PAK4: variants seen among roughly 807,000 people sequenced by gnomAD.
PAK4 encodes p21 (RAC1) activated kinase 4.
A neutral mutation model predicts 53.5 loss-of-function variants in PAK4; 49 were observed. The observed-to-expected ratio is 0.92, with a 90% CI of 0.73 to 1.16. The LOEUF is 1.16. Ranked by LOEUF, PAK4 falls within the 50% of genes most tolerant of loss-of-function variation. The probability of loss-of-function intolerance (pLI) is 0.00; values close to 1 mark genes in which losing one functional copy is unlikely to be tolerated. For synonymous variants in PAK4, 376 were observed against 375.6 expected, an observed-to-expected ratio of 1.00 and a Z score of -0.01; for missense variants, 824 against 850.7, an observed-to-expected ratio of 0.97 and a Z score of 0.39.
chr19:39,155,268 A>G (rs924959101), intron 1 of PAK4, among the ~76,000 whole-genome samples: 1 of 152,166 alleles, frequency 6.6e-6, no homozygotes, highest in Admixed American at 6.5e-5. Flanking sequence ...GAGTTTGTTC[A>G]GTGCTGAACT....
chr19:39,157,079 G>A (rs181585281), intron 1 of PAK4, among the ~76,000 whole-genome samples: 21 of 152,218 alleles, frequency 1.4e-4, no homozygotes, highest in Non-Finnish European at 2.5e-4. Context: ...GTGGGAGCAC[G>A]CTCCTGGGGT....
At chr19:39,148,649 A>G (rs942291561) in intron 1 of PAK4, among the ~76,000 whole-genome samples, 11 of 148,456 alleles carry the variant, frequency 7.4e-5, no homozygotes, top group Non-Finnish European at 1.5e-4. Flanking sequence ...TAGGCACAGG[A>G]TTTCACCATA....
At chr19:39,157,291 G>T (rs1464277161) in intron 1 of PAK4, among the ~76,000 whole-genome samples, 1 of 152,158 alleles carries the variant, frequency 6.6e-6, no homozygotes. Flanking sequence ...CTGGGGTGCA[G>T]TGCGGCTTTC....
chr19:39,127,466 C>CCCT (rs1375722500), intron 1 of PAK4, among the ~76,000 whole-genome samples: 3 of 152,118 alleles, frequency 2.0e-5, no homozygotes, highest in African/African-American at 7.2e-5. Flanking sequence ...ATCTGACCAG[C>CCCT]CCTTACCTCC....
rs182570700 is a variant in PAK4, at chr19:39,130,210, G to A, written c.-23+4291G>A. Among the ~76,000 whole-genome samples, 80 of 125,932 alleles carry A rather than the reference G, an allele frequency of 6.4e-4. No homozygotes were observed. The East Asian group carries it at 0.016, about 25-fold the overall frequency. The allele number at this position is 125,932 out of a possible 152,430, so 82.6% of individuals were successfully genotyped here. A position where few individuals can be genotyped will look rare whatever the true frequency, so the allele number is the denominator to read the frequency against. On this transcript the variant is annotated intron_variant, in intron 1 of 8. Coordinates refer to ENST00000358301, the Ensembl canonical transcript of PAK4. Reference sequence around the variant, plus strand: ...ATGGCGGGATGGGAGCGGGGACCCAGGCAGAGGGATCAGGGTGGGACTGGG... The same window carrying A: ...ATGGCGGGATGGGAGCGGGGACCCAAGCAGAGGGATCAGGGTGGGACTGGG...
At chr19:39,137,880 A>G (rs4803211) in intron 1 of PAK4, among the ~76,000 whole-genome samples, 1 of 151,584 alleles carries the variant, frequency 6.6e-6, no homozygotes, top group Non-Finnish European at 1.5e-5. Flanking sequence ...GTTAGCCAGG[A>G]TGGTCTCGAT....
chr19:39,165,745 C>G (rs1380902583), intron 1 of PAK4, among the ~76,000 whole-genome samples: 1 of 152,084 alleles, frequency 6.6e-6, no homozygotes, highest in Admixed American at 6.5e-5. Flanking sequence ...TTCTCTGGGC[C>G]TCAGTTTTCC....
chr19:39,131,330 C>T (rs1282970971), intron 1 of PAK4, among the ~76,000 whole-genome samples: 1 of 152,102 alleles, frequency 6.6e-6, no homozygotes, highest in Non-Finnish European at 1.5e-5. Flanking sequence ...CGCTGGGTCC[C>T]TACCTCCCTC....
rs190066883 is a variant in PAK4 at position 39,133,940 on chromosome 19, C to G, written c.-23+8021C>G. Among the ~76,000 whole-genome samples, 311 of 152,254 alleles carry G rather than the reference C, an allele frequency of 2.0e-3. 2 individuals are homozygous for G. Among genetic ancestry groups the G allele is most frequent in the South Asian group, 0.016 (76 of 4,820 alleles). The stretch of plus-strand genomic sequence containing the variant: ...GCCCACAGTCACCGGTCAGCACTGG[C>G]CATGGGGAGAAAGTAGGACCCTGCG... On this transcript the variant is annotated intron_variant, in intron 1 of 8. Coordinates refer to ENST00000358301, the Ensembl canonical transcript of PAK4.
chr19:39,171,628 A>T (rs2074481652), intron 2 of PAK4, among the ~76,000 whole-genome samples: 1 of 152,126 alleles, frequency 6.6e-6, no homozygotes, highest in Non-Finnish European at 1.5e-5. Flanking sequence ...CAGACCACGG[A>T]TTTTGTGGGA....
chr19:39,150,209 T>G (rs1287030681), intron 1 of PAK4, among the ~76,000 whole-genome samples: 1 of 152,126 alleles, frequency 6.6e-6, no homozygotes, highest in Non-Finnish European at 1.5e-5. Context: ...CCACCCCATC[T>G]GGGTTACTTG....
intron 1 of PAK4, among the ~76,000 whole-genome samples, chr19:39,144,093 C>CAGGT (rs1157787295): frequency 8.5e-5 from 12 of 140,496 alleles, no homozygotes; most frequent in Middle Eastern, 3.6e-3. Flanking sequence ...GACCCTATCT[C>CAGGT]AGGTAGATAG....
At chr19:39,169,553 C>A in exon 2 of PAK4, 1 of 1,612,598 alleles carries the variant, frequency 6.2e-7, no homozygotes, top group South Asian at 1.1e-5. Context: ...TCCCCGGCAC[C>A]ATGTTTGGGA....
At chr19:39,171,208 G>GT (rs34497285) in intron 2 of PAK4, among the ~76,000 whole-genome samples, 1,714 of 135,452 alleles carry the variant, frequency 0.013, 28 homozygotes, top group African/African-American at 0.027. Context: ...CTCCCTGTTG[G>GT]TTTTTTTTTT....
intron 1 of PAK4, among the ~76,000 whole-genome samples, chr19:39,147,841 G>GTTTTT (rs35845376): frequency 9.8e-4 from 13 of 13,234 alleles, no homozygotes; most frequent in African/African-American, 4.5e-3. Context: ...TTGTTTTCGG[G>GTTTTT]TTTTTTTTTT....
At chr19:39,133,835 C>T (rs998458389) in intron 1 of PAK4, among the ~76,000 whole-genome samples, 1 of 152,240 alleles carries the variant, frequency 6.6e-6, no homozygotes, top group Non-Finnish European at 1.5e-5. Flanking sequence ...ACACTTCACT[C>T]CCAGAGGCGG....
intron 1 of PAK4, among the ~76,000 whole-genome samples, chr19:39,162,051 C>A (rs549082518): frequency 4.3e-4 from 65 of 152,240 alleles, no homozygotes; most frequent in African/African-American, 1.5e-3. Context: ...CTTCCACCTC[C>A]CAGGTTCAAG....
At chr19:39,128,384 T>G (rs2073631666) in intron 1 of PAK4, among the ~76,000 whole-genome samples, 1 of 152,118 alleles carries the variant, frequency 6.6e-6, no homozygotes, top group Admixed American at 6.5e-5. Context: ...CCTACCTGGC[T>G]CTGGCAGGGT....
chr19:39,176,356 C>CA (rs2074604586), intron 6 of PAK4: 1 of 580,550 alleles, frequency 1.7e-6, no homozygotes, highest in Non-Finnish European at 3.1e-6. Context: ...CAGAGGCTGT[C>CA]AGGGAGGGAA....
Sources: gnomAD v4.1 joint callset for allele counts (sites outside exome capture counted in the v4.1 genomes callset) on GRCh38, gnomAD v4.1.1 for gene constraint, MANE v1.5 for transcripts, NCBI Gene and HGNC (gene_info 2026-07-23, HGNC 2026-07-21) for gene names.